GALNTL6: variants seen among roughly 807,000 people sequenced by gnomAD.
GALNTL6 encodes the protein polypeptide N-acetylgalactosaminyltransferase-like 6.
In GALNTL6, 46 loss-of-function variants were observed where a neutral mutation model predicts 73.7. That is an observed-to-expected ratio of 0.62 (90% CI 0.49 to 0.80). GALNTL6 has a LOEUF of 0.80. Ranked by LOEUF, GALNTL6 falls within the 30% of genes least tolerant of loss-of-function variation. The pLI is 0.00. For missense variants in GALNTL6, 604 were observed against 755.0 expected, an observed-to-expected ratio of 0.80 and a Z score of 2.34; for synonymous variants, 259 against 263.7, an observed-to-expected ratio of 0.98 and a Z score of 0.17.
intron 11 of GALNTL6, among the ~76,000 whole-genome samples, chr4:173,009,556 T>C (rs1464094375): frequency 1.3e-5 from 2 of 152,166 alleles, no homozygotes; most frequent in Admixed American, 6.5e-5. Flanking sequence ...ATGGGAGAAA[T>C]GTGGATTGCG....
intron 2 of GALNTL6, among the ~76,000 whole-genome samples, chr4:171,873,907 G>GT (rs1736203221): frequency 6.6e-6 from 1 of 152,118 alleles, no homozygotes. Context: ...TTATTGAAAT[G>GT]TCAAAAATCT....
intron 7 of GALNTL6, among the ~76,000 whole-genome samples, chr4:172,838,516 G>A (rs1743031681): frequency 6.6e-6 from 1 of 152,194 alleles, no homozygotes; most frequent in Non-Finnish European, 1.5e-5. Context: ...GCCACCTGTG[G>A]TGCTTGTAAC....
intron 2 of GALNTL6, among the ~76,000 whole-genome samples, chr4:171,904,787 G>T (rs938073402): frequency 2.6e-5 from 4 of 152,228 alleles, no homozygotes; most frequent in Non-Finnish European, 5.9e-5. Flanking sequence ...CAGACTAACA[G>T]CAGATCTCTC....
At chr4:172,857,744 G>A (rs559263730) in intron 7 of GALNTL6, among the ~76,000 whole-genome samples, 5 of 152,268 alleles carry the variant, frequency 3.3e-5, no homozygotes, top group African/African-American at 1.2e-4. Flanking sequence ...TTTAATGAAT[G>A]GGATAAAAGC....
chr4:171,944,179 AT>A (rs1738635836), intron 2 of GALNTL6, among the ~76,000 whole-genome samples: 1 of 152,028 alleles, frequency 6.6e-6, no homozygotes, highest in South Asian at 2.1e-4. Flanking sequence ...AAGATAGATA[AT>A]TTTGATTTAT....
At chr4:172,719,674 A>G (rs1179601242) in intron 5 of GALNTL6, among the ~76,000 whole-genome samples, 1 of 152,168 alleles carries the variant, frequency 6.6e-6, no homozygotes, top group African/African-American at 2.4e-5. Context: ...TATGATTACT[A>G]CAACTGTTAC....
chr4:172,463,356 T>C (rs1369797127), intron 5 of GALNTL6, among the ~76,000 whole-genome samples: 5 of 151,026 alleles, frequency 3.3e-5, no homozygotes, highest in Non-Finnish European at 5.9e-5. Context: ...AAAAGAACAC[T>C]TAAGTAAAAC....
At chr4:172,931,403 T>A in intron 9 of GALNTL6, 135 bp downstream of exon 9, 1 of 646,104 alleles carries the variant, frequency 1.5e-6, no homozygotes, top group Non-Finnish European at 2.8e-6. Context: ...AGAGTCTTAT[T>A]TCCATTGCTT....
chr4:172,310,569 C>A (rs1213970173), intron 3 of GALNTL6, among the ~76,000 whole-genome samples: 1 of 151,916 alleles, frequency 6.6e-6, no homozygotes, highest in African/African-American at 2.4e-5. Flanking sequence ...CTATGACCAG[C>A]CTCAATAAAT....
chr4:172,608,481 T>C (rs1384503408), intron 5 of GALNTL6, among the ~76,000 whole-genome samples: 3 of 152,178 alleles, frequency 2.0e-5, no homozygotes, highest in Non-Finnish European at 4.4e-5. Context: ...TCTGTTCCAT[T>C]GGTCTATATG....
At chr4:172,278,705 G>A (rs536024801) in intron 3 of GALNTL6, among the ~76,000 whole-genome samples, 11 of 151,982 alleles carry the variant, frequency 7.2e-5, no homozygotes, top group Non-Finnish European at 1.5e-4. Context: ...CATATTGATC[G>A]ATAACTATTC....
intron 2 of GALNTL6, among the ~76,000 whole-genome samples, chr4:172,005,594 A>T (rs1196649309): frequency 6.6e-6 from 1 of 152,172 alleles, no homozygotes; most frequent in Non-Finnish European, 1.5e-5. Context: ...TATGATATAT[A>T]TCTACATATA....
intron 2 of GALNTL6, among the ~76,000 whole-genome samples, chr4:171,950,155 T>A (rs1738829576): frequency 6.6e-6 from 1 of 152,222 alleles, no homozygotes; most frequent in African/African-American, 2.4e-5. Context: ...ATATTGTCTT[T>A]GTCATAACTT....
chr4:172,358,280 A>C (rs1742238189), intron 5 of GALNTL6, among the ~76,000 whole-genome samples: 1 of 152,222 alleles, frequency 6.6e-6, no homozygotes, highest in South Asian at 2.1e-4. Flanking sequence ...ATTAAGAAAA[A>C]TATTTCAAGA....
intron 2 of GALNTL6, among the ~76,000 whole-genome samples, chr4:171,975,221 TA>T (rs1317725557): frequency 6.6e-6 from 1 of 152,206 alleles, no homozygotes; most frequent in Non-Finnish European, 1.5e-5. Flanking sequence ...GAGTAATAAG[TA>T]ATTTTCTAGA....
chr4:172,788,540 C>T (rs1285403923), intron 5 of GALNTL6, among the ~76,000 whole-genome samples: 1 of 151,790 alleles, frequency 6.6e-6, no homozygotes, highest in African/African-American at 2.4e-5. Flanking sequence ...GGCGTGTTGG[C>T]GGGCGCCTGT....
chr4:172,373,097 C>T (rs1414059029), intron 5 of GALNTL6, among the ~76,000 whole-genome samples: 1 of 152,182 alleles, frequency 6.6e-6, no homozygotes, highest in Non-Finnish European at 1.5e-5. Flanking sequence ...TACTGAAGGA[C>T]CAGAGTGCCT....
At position 172,108,881 on chromosome 4, in the gene GALNTL6, C is replaced by T. The variant is rs968154200; in HGVS notation, c.139-120775C>T. 2.0e-5 allele frequency among the ~76,000 whole-genome samples: 3 copies of T among 151,690 alleles called. No homozygotes were observed. The South Asian group carries it at 6.3e-4, about 32-fold the overall frequency. On this transcript the variant is annotated intron_variant, in intron 2 of 12. Transcript: ENST00000506823. ...ACAAAAAATTAGCCGGGCATGGTAG[C>T]GTGCGCCCATATTCCCAGCTGATCG...
At chr4:172,871,353 C>T (rs1744919268) in intron 7 of GALNTL6, among the ~76,000 whole-genome samples, 1 of 152,064 alleles carries the variant, frequency 6.6e-6, no homozygotes, top group Non-Finnish European at 1.5e-5. Context: ...ATGAATGTGC[C>T]CCAACAGAAA....
Sources: allele counts gnomAD v4.1 joint callset (sites outside exome capture counted in the v4.1 genomes callset), GRCh38; gene constraint gnomAD v4.1.1; transcripts MANE v1.5; gene names NCBI Gene and HGNC (gene_info 2026-07-23, HGNC 2026-07-21).